The following TOR1AIP1 variants were observed in gnomAD, a reference collection of about 807,000 sequenced individuals.
TOR1AIP1 encodes the protein torsin-1A-interacting protein 1.
A neutral mutation model predicts 63.3 loss-of-function variants in TOR1AIP1; 54 were observed. That is an observed-to-expected ratio of 0.85 (90% CI 0.69 to 1.07). The LOEUF (loss-of-function observed/expected upper bound fraction) is 1.07, where lower values mean the gene tolerates loss of function less well. TOR1AIP1 is among the 50% of genes least tolerant of loss of function. The probability of loss-of-function intolerance (pLI) is 0.00; values close to 1 mark genes in which losing one functional copy is unlikely to be tolerated. For synonymous variants in TOR1AIP1, 294 were observed against 273.5 expected (o/e 1.07, Z -0.74); for missense variants, 736 against 715.0 (o/e 1.03, Z -0.33).
intron 3 of TOR1AIP1, among the ~76,000 whole-genome samples, chr1:179,893,925 T>C (rs1159252141): frequency 6.6e-6 from 1 of 152,152 alleles, no homozygotes; most frequent in Non-Finnish European, 1.5e-5. Flanking sequence ...TTTAGTCCTT[T>C]ATAAAAAAAG....
At chr1:179,917,009 T>C (rs1427609825) in intron 9 of TOR1AIP1, among the ~76,000 whole-genome samples, 2 of 152,148 alleles carry the variant, frequency 1.3e-5, no homozygotes, top group Non-Finnish European at 2.9e-5. Context: ...TTTATCCCTT[T>C]ATGTACTTCA....
At chr1:179,893,565 C>T (rs1243149121) in intron 3 of TOR1AIP1, among the ~76,000 whole-genome samples, 1 of 152,092 alleles carries the variant, frequency 6.6e-6, no homozygotes, top group African/African-American at 2.4e-5. Context: ...CTCAGCCTCC[C>T]AAGTAGCTGG....
intron 8 of TOR1AIP1, chr1:179,913,532 A>G: frequency 5.7e-6 from 4 of 700,794 alleles, no homozygotes; most frequent in South Asian, 4.5e-5. Flanking sequence ...CCTTATCCAG[A>G]CAGCTCAGTA....
At chr1:179,908,016 C>T (rs1648708771) in intron 7 of TOR1AIP1, 152 bp downstream of exon 7, 2 of 502,884 alleles carry the variant, frequency 4.0e-6, no homozygotes, top group African/African-American at 2.1e-5. Flanking sequence ...TCACGCGATT[C>T]TCCTGCCTCC....
intron 2 of TOR1AIP1, among the ~76,000 whole-genome samples, chr1:179,887,066 G>A (rs1039190275): frequency 2.0e-5 from 3 of 152,032 alleles, no homozygotes. Context: ...TAAGGCTACC[G>A]GTGTGGTCTG....
intron 7 of TOR1AIP1, 49 bp downstream of exon 7, chr1:179,907,913 C>CTTTTTTTTTTT (rs34218138): frequency 1.0e-4 from 36 of 356,764 alleles, no homozygotes; most frequent in South Asian, 4.6e-4. Context: ...ATTCTTTTCT[C>CTTTTTTTTTTT]TTTTTTTTTT....
intron 2 of TOR1AIP1, among the ~76,000 whole-genome samples, chr1:179,888,849 A>G (rs1647980998): frequency 6.6e-6 from 1 of 152,228 alleles, no homozygotes; most frequent in Admixed American, 6.5e-5. Flanking sequence ...TTTATTTAAA[A>G]TTAATTTGCA....
intron 3 of TOR1AIP1, 110 bp downstream of exon 3, chr1:179,889,479 A>G (rs1239799221): frequency 1.1e-5 from 10 of 872,776 alleles, no homozygotes; most frequent in African/African-American, 1.0e-4. Flanking sequence ...TACTGTAAAT[A>G]TACATTAAAA....
At chr1:179,884,671 C>G (rs897326427) in intron 1 of TOR1AIP1, 21 bp from the exon 2 acceptor site, 2 of 1,590,732 alleles carry the variant, frequency 1.3e-6, no homozygotes, top group African/African-American at 2.7e-5. Flanking sequence ...AATTTTAACT[C>G]TTGTTATGTC....
At chr1:179,883,550 C>T (rs149399188) in intron 1 of TOR1AIP1, 2 of 449,746 alleles carry the variant, frequency 4.4e-6, no homozygotes, top group East Asian at 1.4e-4. Context: ...AATGGGGTAA[C>T]TCATTTTTCC....
chr1:179,903,757 C>T (rs1648538008), intron 5 of TOR1AIP1, among the ~76,000 whole-genome samples: 1 of 152,200 alleles, frequency 6.6e-6, no homozygotes, highest in Admixed American at 6.5e-5. Flanking sequence ...GATCCGCTTG[C>T]CTCAGCCTCC....
At chr1:179,917,406 T>C (rs1649053854) in intron 9 of TOR1AIP1, 46 bp from the exon 10 acceptor site, 1 of 1,518,780 alleles carries the variant, frequency 6.6e-7, no homozygotes, top group Non-Finnish European at 8.9e-7. Context: ...CCCCTGAATC[T>C]AAGAAAGTGG....
At position 179,920,013 on chromosome 1, in the gene TOR1AIP1, T is replaced by C. The variant is rs186113237; in HGVS notation, c.*1774T>C. The C allele has an allele frequency of 7.9e-5, 12 of 152,354 alleles. No individual in the cohort carries two copies. The highest frequency in any genetic ancestry group is 2.9e-4 in the African/African-American group (12 of 41,598). 9.4% of individuals were successfully genotyped at this position (152,354 alleles called of 1,614,324 possible). A position where few individuals can be genotyped will look rare whatever the true frequency, so the allele number is the denominator to read the frequency against. On this transcript the variant is annotated 3_prime_UTR_variant, in exon 10 of 10. Transcript: ENST00000606911. ...GGAAAAATAATTATAGCAGCTGATC[T>C]GTAAATGACTTTAAAAGCTATTTTA... is the stretch of plus-strand genomic sequence containing the variant.
rs1472393986 is a variant in TOR1AIP1 at position 179,914,058 on chromosome 1, A to G, written c.964+4A>G. On this transcript the variant is annotated splice_donor_region_variant and intron_variant, in intron 9 of 9. Coordinates refer to ENST00000606911, the MANE Select transcript of TOR1AIP1 (RefSeq NM_015602.4). ...TCACCATCAACCTCCAGCCGACGTA[A>G]GTTTATGTATTCAGTTTTTATTAAA... 3 of 1,612,578 alleles carry G rather than the reference A, an allele frequency of 1.9e-6. No homozygotes were observed. In the African/African-American group the frequency reaches 4.0e-5, roughly 21 times the overall value.
intron 3 of TOR1AIP1, among the ~76,000 whole-genome samples, chr1:179,890,454 A>G (rs1291203333): frequency 6.6e-6 from 1 of 152,228 alleles, no homozygotes; most frequent in Non-Finnish European, 1.5e-5. Flanking sequence ...GTAAAGATCT[A>G]CTAAGGTTTT....
chr1:179,892,737 CA>C (rs71118413), intron 3 of TOR1AIP1, among the ~76,000 whole-genome samples: 76,091 of 110,836 alleles, frequency 0.69, 24,520 homozygotes, highest in East Asian at 0.82. Context: ...GACTCCGTCT[CA>C]AAAAAAAAAA....
chr1:179,908,893 C>T lies in TOR1AIP1; in HGVS notation c.907+220C>T, dbSNP rs533391828. Among the ~76,000 whole-genome samples, 16 of 152,212 alleles carry T rather than the reference C, an allele frequency of 1.1e-4. No individual in the cohort carries two copies. In the South Asian group the frequency reaches 1.9e-3, roughly 18 times the overall value. On this transcript the variant is annotated intron_variant, in intron 8 of 9. Coordinates refer to ENST00000606911, the MANE Select transcript of TOR1AIP1 (RefSeq NM_015602.4). ...GAGAAAACCAGAGATTGGCCAGGTG[C>T]GGTGGCTCACGCCTGTAATCCCAGC...
In TOR1AIP1 at chr1:179,907,765, A is replaced by T. The variant is rs1281380; in HGVS notation, c.797-58A>T. The stretch of plus-strand genomic sequence containing the variant: ...TAAACAAGCAAAATGTCTGTGCAAC[A>T]TCTTTTTTGTTGTTATTTTCAAGTA... On this transcript the variant is annotated intron_variant, in intron 6 of 9. Transcript: ENST00000606911. The T allele has an allele frequency of 0.18, 253,341 of 1,379,412 alleles. 26,134 individuals are homozygous for T. Among genetic ancestry groups the T allele is most frequent in the Non-Finnish European group, 0.21 (211,475 of 1,008,544 alleles). The allele number at this position is 1,379,412 out of a possible 1,614,324, so 85.4% of individuals were successfully genotyped here. A position where few individuals can be genotyped will look rare whatever the true frequency, so the allele number is the denominator to read the frequency against.
chr1:179,896,548 T>TC (rs1309178518), intron 3 of TOR1AIP1, among the ~76,000 whole-genome samples: 1 of 152,018 alleles, frequency 6.6e-6, no homozygotes, highest in African/African-American at 2.4e-5. Context: ...TACAAATCTT[T>TC]TTTTTTTTTA....
Sources: allele counts gnomAD v4.1 joint callset (sites outside exome capture counted in the v4.1 genomes callset), GRCh38; gene constraint gnomAD v4.1.1; transcripts MANE v1.5; gene names NCBI Gene and HGNC (gene_info 2026-07-23, HGNC 2026-07-21).